Variants in DGKG observed in about 807,000 individuals in gnomAD.
DGKG encodes diacylglycerol kinase gamma.
In DGKG, 78 loss-of-function variants were observed where a neutral mutation model predicts 105.3. The observed-to-expected ratio is 0.74, with a 90% CI of 0.62 to 0.89. The LOEUF is 0.89. Among genes scored for constraint, DGKG ranks in the 40% least tolerant of loss-of-function variants. The pLI, the probability that DGKG is intolerant of heterozygous loss-of-function variation, is 0.00. For synonymous variants in DGKG, 346 were observed against 367.1 expected (o/e 0.94, Z 0.66); for missense variants, 958 against 1,020.1 (o/e 0.94, Z 0.83).
chr3:186,165,218 T>C (rs1716483116), intron 22 of DGKG, among the ~76,000 whole-genome samples, 200 bp from the exon 23 acceptor site: 1 of 152,164 alleles, frequency 6.6e-6, no homozygotes, highest in African/African-American at 2.4e-5. Flanking sequence ...TGGTCAGTTT[T>C]AGTGAAAAAA....
chr3:186,162,462 T>C (rs1043682841), intron 23 of DGKG, among the ~76,000 whole-genome samples: 22 of 152,240 alleles, frequency 1.4e-4, no homozygotes, highest in African/African-American at 4.6e-4. Context: ...AATGAGGTAA[T>C]GTCTCCAATT....
chr3:186,170,063 G>A (rs907609827), intron 22 of DGKG, among the ~76,000 whole-genome samples: 4 of 152,190 alleles, frequency 2.6e-5, no homozygotes, highest in Admixed American at 6.5e-5. Context: ...AGCTGAAGTG[G>A]ATGTTGGAGG....
intron 1 of DGKG, among the ~76,000 whole-genome samples, chr3:186,341,315 C>A (rs943132112): frequency 6.6e-6 from 1 of 152,156 alleles, no homozygotes; most frequent in Non-Finnish European, 1.5e-5. Context: ...GCATGGGGGA[C>A]ATGTATTTAG....
chr3:186,215,550 G>A (rs1719243472), intron 20 of DGKG, among the ~76,000 whole-genome samples: 1 of 152,148 alleles, frequency 6.6e-6, no homozygotes, highest in Non-Finnish European at 1.5e-5. Flanking sequence ...GTGGAGAAGG[G>A]ACTGGAAAGA....
At chr3:186,258,866 G>A (rs141166883) in intron 16 of DGKG, among the ~76,000 whole-genome samples, 2 of 152,200 alleles carry the variant, frequency 1.3e-5, no homozygotes, top group East Asian at 1.9e-4. Context: ...ATTCCAAGAG[G>A]GGGTTTCTAT....
intron 2 of DGKG, among the ~76,000 whole-genome samples, chr3:186,314,321 AC>A (rs1724708513): frequency 6.6e-6 from 1 of 151,874 alleles, no homozygotes; most frequent in Admixed American, 6.6e-5. Flanking sequence ...GAATTGAGGG[AC>A]TTTTGGTTCT....
chr3:186,265,003 T>C (rs913553396), intron 14 of DGKG, among the ~76,000 whole-genome samples: 1 of 152,234 alleles, frequency 6.6e-6, no homozygotes, highest in East Asian at 1.9e-4. Flanking sequence ...TTTCCTAAAA[T>C]AGTAATAAAG....
chr3:186,149,045 C>A lies in DGKG; in HGVS notation c.*1045G>T. The A allele has an allele frequency of 1.0e-6, 1 of 982,846 alleles. No homozygotes were observed. The highest frequency in any genetic ancestry group is 1.2e-6 in the Non-Finnish European group (1 of 829,502). 60.9% of individuals were successfully genotyped at this position (982,846 alleles called of 1,614,324 possible). A position where few individuals can be genotyped will look rare whatever the true frequency, so the allele number is the denominator to read the frequency against. On this transcript the variant is annotated 3_prime_UTR_variant, in exon 25 of 25. Coordinates refer to ENST00000265022, the MANE Select transcript of DGKG (RefSeq NM_001346.3). ...ACACACGCGCGCACACACGTTAAGA[C>A]CATCAGAAGGTCCTTCAGGTCATAC...
chr3:186,169,332 G>A (rs550460052), intron 22 of DGKG, among the ~76,000 whole-genome samples: 28 of 152,328 alleles, frequency 1.8e-4, no homozygotes, highest in African/African-American at 6.7e-4. Context: ...CTTAACAGTG[G>A]TGAGTTCTAG....
At chr3:186,227,706 G>A (rs926288264) in intron 20 of DGKG, among the ~76,000 whole-genome samples, 1 of 152,078 alleles carries the variant, frequency 6.6e-6, no homozygotes, top group Non-Finnish European at 1.5e-5. Context: ...ATTTAAGTGG[G>A]GAGTTAAAAT....
intron 24 of DGKG, among the ~76,000 whole-genome samples, chr3:186,152,246 T>C (rs1488044616): frequency 6.6e-6 from 1 of 152,138 alleles, no homozygotes; most frequent in Non-Finnish European, 1.5e-5. Context: ...TGTTTTTTGA[T>C]AGTCACCAGA....
chr3:186,310,711 CATAAT>C (rs1052869580), intron 2 of DGKG, among the ~76,000 whole-genome samples: 3 of 152,132 alleles, frequency 2.0e-5, no homozygotes, highest in African/African-American at 7.2e-5. Flanking sequence ...AAGCCTTTAC[CATAAT>C]ACCAGCACTA....
At chr3:186,175,923 T>C (rs1166719684) in intron 22 of DGKG, among the ~76,000 whole-genome samples, 1 of 152,154 alleles carries the variant, frequency 6.6e-6, no homozygotes, top group East Asian at 1.9e-4. Context: ...CAACAAACCC[T>C]TCAGGCTCAG....
At chr3:186,286,352 G>A (rs891723063) in intron 6 of DGKG, among the ~76,000 whole-genome samples, 1 of 152,166 alleles carries the variant, frequency 6.6e-6, no homozygotes, top group African/African-American at 2.4e-5. Flanking sequence ...GGGCCTAGGC[G>A]ACTCTCCAAC....
intron 21 of DGKG, among the ~76,000 whole-genome samples, chr3:186,207,272 T>C (rs748783913): frequency 6.6e-6 from 1 of 152,210 alleles, no homozygotes; most frequent in Admixed American, 6.5e-5. Flanking sequence ...AATAAGGACA[T>C]TGGATATGCC....
intron 24 of DGKG, chr3:186,160,847 C>A: frequency 1.0e-6 from 1 of 985,404 alleles, no homozygotes; most frequent in Non-Finnish European, 1.2e-6. Flanking sequence ...AGGAAGGATG[C>A]ATGGCTCCTG....
At chr3:186,341,051 G>A (rs903667390) in intron 1 of DGKG, among the ~76,000 whole-genome samples, 1 of 152,208 alleles carries the variant, frequency 6.6e-6, no homozygotes, top group African/African-American at 2.4e-5. Flanking sequence ...ATCAGTTTGT[G>A]TTCAGTGCCT....
At chr3:186,222,002 C>T (rs1434844380) in intron 20 of DGKG, among the ~76,000 whole-genome samples, 1 of 152,194 alleles carries the variant, frequency 6.6e-6, no homozygotes, top group Admixed American at 6.5e-5. Flanking sequence ...AAGGGTCGCG[C>T]TCTTTTGATC....
At chr3:186,214,641 T>C (rs1031905313) in intron 20 of DGKG, among the ~76,000 whole-genome samples, 9 of 152,360 alleles carry the variant, frequency 5.9e-5, no homozygotes, top group East Asian at 1.9e-4. Context: ...GCCCTAATCC[T>C]TGATTAATTA....
Sources: allele counts gnomAD v4.1 joint callset (sites outside exome capture counted in the v4.1 genomes callset), GRCh38; gene constraint gnomAD v4.1.1; transcripts MANE v1.5; gene names NCBI Gene and HGNC (gene_info 2026-07-23, HGNC 2026-07-21).